The following NAV3 variants were observed in gnomAD, a reference collection of about 807,000 sequenced individuals.
NAV3 encodes neuron navigator 3.
In NAV3, 87 loss-of-function variants were observed where a neutral mutation model predicts 244.7. The ratio of observed to expected loss-of-function variants is 0.36; its 90% CI spans 0.30 to 0.42. The LOEUF (loss-of-function observed/expected upper bound fraction) is 0.42, where lower values mean the gene tolerates loss of function less well. Ranked by LOEUF, NAV3 falls within the 20% of genes least tolerant of loss-of-function variation. NAV3 has a pLI of 1.00. For missense variants in NAV3, 2,663 were observed against 2,893.3 expected (o/e 0.92, Z 1.83); for synonymous variants, 1,126 against 1,042.2 (o/e 1.08, Z -1.55).
At chr12:77,581,448 G>A (rs1234184344) in intron 2 of NAV3, among the ~76,000 whole-genome samples, 1 of 152,148 alleles carries the variant, frequency 6.6e-6, no homozygotes, top group African/African-American at 2.4e-5. Flanking sequence ...GAATAGTGTA[G>A]TTGGTTAAAA....
upstream of NAV3, among the ~76,000 whole-genome samples, chr12:77,828,320 T>C (rs933905873): frequency 5.7e-4 from 86 of 152,166 alleles, no homozygotes; most frequent in Admixed American, 2.0e-3. Flanking sequence ...CCCTCACTCT[T>C]ATGCTTCCCA....
At chr12:77,769,808 T>C (rs550378401) in intron 2 of NAV3, among the ~76,000 whole-genome samples, 1 of 152,310 alleles carries the variant, frequency 6.6e-6, no homozygotes, top group South Asian at 2.1e-4. Context: ...TGTATTGATA[T>C]CTTTTAGTTA....
At chr12:77,581,102 A>G (rs1869344439) in intron 2 of NAV3, among the ~76,000 whole-genome samples, 1 of 152,178 alleles carries the variant, frequency 6.6e-6, no homozygotes, top group African/African-American at 2.4e-5. Context: ...AAGCTGTACT[A>G]TGTACTCTTT....
intron 1 of NAV3, among the ~76,000 whole-genome samples, chr12:77,883,314 CAT>C (rs1413740942): frequency 6.6e-6 from 1 of 152,056 alleles, no homozygotes; most frequent in East Asian, 1.9e-4. Flanking sequence ...AACTGAAGGC[CAT>C]TATCCCAAGC....
intron 2 of NAV3, among the ~76,000 whole-genome samples, chr12:77,771,132 A>G (rs1481665112): frequency 3.3e-5 from 5 of 152,242 alleles, no homozygotes; most frequent in Non-Finnish European, 5.9e-5. Flanking sequence ...TCAAAAGAAG[A>G]CATTTATGCA....
At chr12:77,983,948 A>G (rs761935405) in intron 5 of NAV3, among the ~76,000 whole-genome samples, 7 of 152,308 alleles carry the variant, frequency 4.6e-5, no homozygotes, top group Non-Finnish European at 1.0e-4. Flanking sequence ...TTGAACATAT[A>G]TTCATCTAAT....
chr12:78,121,870 TA>T, intron 15 of NAV3, 69 bp from the exon 16 acceptor site: 1 of 1,575,304 alleles, frequency 6.3e-7, no homozygotes. Context: ...CTGTGTACTG[TA>T]ACCCGAAATA....
At chr12:77,840,910 G>A (rs756915004) in intron 1 of NAV3, among the ~76,000 whole-genome samples, 4 of 152,134 alleles carry the variant, frequency 2.6e-5, no homozygotes, top group Non-Finnish European at 2.9e-5. Flanking sequence ...TGTCTTTGTG[G>A]ATACTGAGTC....
At chr12:78,083,396 A>T (rs1320225017) in intron 12 of NAV3, among the ~76,000 whole-genome samples, 1 of 152,186 alleles carries the variant, frequency 6.6e-6, no homozygotes, top group Non-Finnish European at 1.5e-5. Flanking sequence ...TTCAAGCCAT[A>T]ACAAAGTTCC....
chr12:77,689,064 TG>T (rs1258823458), intron 2 of NAV3, among the ~76,000 whole-genome samples: 2 of 151,874 alleles, frequency 1.3e-5, no homozygotes, highest in African/African-American at 2.4e-5. Context: ...AAGGAAGTGA[TG>T]GGGTTGAGTG....
chr12:77,862,451 G>T (rs1334788478), intron 1 of NAV3, among the ~76,000 whole-genome samples: 1 of 151,640 alleles, frequency 6.6e-6, no homozygotes, highest in African/African-American at 2.4e-5. Flanking sequence ...AAAGTTGGAG[G>T]ATCATCTATA....
chr12:77,882,267 A>G (rs1287094650), intron 1 of NAV3, among the ~76,000 whole-genome samples: 1 of 152,138 alleles, frequency 6.6e-6, no homozygotes, highest in Non-Finnish European at 1.5e-5. Context: ...AAACTCAGAA[A>G]TAATACTGCA....
chr12:77,695,510 T>A (rs113271456), intron 2 of NAV3, among the ~76,000 whole-genome samples: 10 of 152,128 alleles, frequency 6.6e-5, no homozygotes, highest in African/African-American at 2.4e-4. Flanking sequence ...TGGGTCTATG[T>A]GTCTGTTTTT....
At chr12:78,127,309 C>G in intron 17 of NAV3, 101 bp downstream of exon 17, 1 of 1,162,902 alleles carries the variant, frequency 8.6e-7, no homozygotes, top group Non-Finnish European at 1.3e-6. Flanking sequence ...TAGCACATGA[C>G]ATTGAGGACG....
chr12:78,150,378 T>C (rs192663293), intron 22 of NAV3, among the ~76,000 whole-genome samples: 18 of 152,176 alleles, frequency 1.2e-4, no homozygotes, highest in African/African-American at 3.1e-4. Context: ...AATTCAGATA[T>C]TGGAATAATA....
chr12:78,081,508 G>A (rs568175710), intron 12 of NAV3, among the ~76,000 whole-genome samples: 84 of 152,296 alleles, frequency 5.5e-4, no homozygotes, highest in South Asian at 2.3e-3. Context: ...CCGAGCTTGA[G>A]TCAGCTGTCC....
intron 12 of NAV3, among the ~76,000 whole-genome samples, chr12:78,112,934 G>T (rs1042691376): frequency 1.3e-5 from 2 of 152,104 alleles, no homozygotes; most frequent in African/African-American, 2.4e-5. Context: ...GATACAATAG[G>T]GTCACAGTCA....
chr12:77,992,318 C>T (rs1416589308), intron 5 of NAV3, among the ~76,000 whole-genome samples: 4 of 152,026 alleles, frequency 2.6e-5, no homozygotes, highest in Admixed American at 6.5e-5. Flanking sequence ...TGATAAACAT[C>T]GGAATTGATG....
At chr12:77,735,811 A>T (rs569853361) in intron 2 of NAV3, among the ~76,000 whole-genome samples, 29 of 152,316 alleles carry the variant, frequency 1.9e-4, no homozygotes, top group African/African-American at 7.0e-4. Flanking sequence ...ATGGAATGCC[A>T]CATGCAATAC....
Sources: gnomAD v4.1 joint callset for allele counts (sites outside exome capture counted in the v4.1 genomes callset) on GRCh38, gnomAD v4.1.1 for gene constraint, MANE v1.5 for transcripts, NCBI Gene and HGNC (gene_info 2026-07-23, HGNC 2026-07-21) for gene names.